Variants in SLC6A6 observed in about 807,000 individuals in gnomAD.
SLC6A6 encodes the protein solute carrier family 6 member 6, also known as sodium- and chloride-dependent taurine transporter.
Under a neutral mutation model 68.8 loss-of-function variants are expected in SLC6A6, and 16 were observed. The observed-to-expected ratio is 0.23, with a 90% confidence interval of 0.16 to 0.35. The LOEUF is 0.35. Ranked by LOEUF, SLC6A6 falls within the 10% of genes least tolerant of loss-of-function variation. The pLI is 1.00. For missense variants in SLC6A6, 474 were observed against 802.8 expected (o/e 0.59, Z 4.95); for synonymous variants, 312 against 315.4 (o/e 0.99, Z 0.12).
At chr3:14,462,765 G>A (rs1342743238) in intron 6 of SLC6A6, among the ~76,000 whole-genome samples, 6 of 152,138 alleles carry the variant, frequency 3.9e-5, no homozygotes, top group Non-Finnish European at 7.3e-5. Context: ...TATGCACGAT[G>A]TCTCTCAGCA....
At chr3:14,432,405 C>T (rs548311875) in intron 2 of SLC6A6, among the ~76,000 whole-genome samples, 1 of 152,206 alleles carries the variant, frequency 6.6e-6, no homozygotes, top group Non-Finnish European at 1.5e-5. Flanking sequence ...CAGCCCTGTC[C>T]TGTCGCTGGT....
At position 14,466,668 on chromosome 3, in the gene SLC6A6, C is replaced by T. The variant is rs750427517; in HGVS notation, c.867+18C>T. 6.3e-7 allele frequency: 1 copy of T among 1,594,566 alleles called. No homozygotes were observed. The highest frequency in any genetic ancestry group is 8.6e-7 in the Non-Finnish European group (1 of 1,167,074). On this transcript the variant is annotated intron_variant, in intron 7 of 14. Transcript: ENST00000622186. ...ACCCACAGGTACTGTGGGGCTGGGACACACCATCCTCCCTCCCATCCAGGG... is the reference window on the plus strand; with the variant it reads ...ACCCACAGGTACTGTGGGGCTGGGATACACCATCCTCCCTCCCATCCAGGG...
intron 4 of SLC6A6, among the ~76,000 whole-genome samples, chr3:14,446,267 G>A (rs938432460): frequency 1.3e-5 from 2 of 152,354 alleles, no homozygotes; most frequent in African/African-American, 2.4e-5. Flanking sequence ...TTGCAGCAAC[G>A]TGGATACAGC....
At chr3:14,424,349 G>A (rs950668996) in intron 2 of SLC6A6, among the ~76,000 whole-genome samples, 4 of 147,836 alleles carry the variant, frequency 2.7e-5, no homozygotes, top group South Asian at 2.1e-4. Flanking sequence ...CTTTGGGCAC[G>A]CAAAGTTAAA....
chr3:14,423,701 A>G (rs1699531427), intron 2 of SLC6A6, among the ~76,000 whole-genome samples: 1 of 152,184 alleles, frequency 6.6e-6, no homozygotes, highest in Non-Finnish European at 1.5e-5. Context: ...CAGTTGCCCC[A>G]TCTGTAAAAT....
intron 1 of SLC6A6, among the ~76,000 whole-genome samples, chr3:14,408,507 G>C (rs1297451333): frequency 6.6e-6 from 1 of 151,950 alleles, no homozygotes; most frequent in Non-Finnish European, 1.5e-5. Flanking sequence ...GCTAATTTTT[G>C]TATTTTTAGT....
intron 2 of SLC6A6, among the ~76,000 whole-genome samples, chr3:14,419,336 G>T (rs1023742229): frequency 3.8e-4 from 58 of 152,324 alleles, no homozygotes; most frequent in African/African-American, 1.3e-3. Flanking sequence ...TGCTAGGTGT[G>T]CGCCCTCCTC....
At chr3:14,422,794 G>A (rs925971168) in intron 2 of SLC6A6, among the ~76,000 whole-genome samples, 2 of 152,148 alleles carry the variant, frequency 1.3e-5, no homozygotes, top group South Asian at 2.1e-4. Context: ...AAGGACTCAC[G>A]CCTCCTACCT....
chr3:14,441,792 G>A (rs1450976491), intron 2 of SLC6A6, among the ~76,000 whole-genome samples: 3 of 152,258 alleles, frequency 2.0e-5, no homozygotes, highest in African/African-American at 4.8e-5. Context: ...GCAAAGCCAG[G>A]GTTTGCAGTT....
chr3:14,482,004 G>A (rs1701020751), intron 14 of SLC6A6, among the ~76,000 whole-genome samples, 163 bp downstream of exon 14: 1 of 152,216 alleles, frequency 6.6e-6, no homozygotes. Flanking sequence ...TGCATTGTGG[G>A]AAGACGGGAA....
In SLC6A6 at chr3:14,481,591, T is replaced by A; in HGVS notation, c.1552-80T>A. On this transcript the variant is annotated intron_variant, in intron 13 of 14. Coordinates refer to ENST00000622186, the MANE Select transcript of SLC6A6 (RefSeq NM_003043.6). This position sits in a 1 kb window ranked among gnomAD's most constrained non-coding sequence, Gnocchi z 4.7. ...AAGGAGAGAGACCCTTCCCTCAGGT[T>A]GAGGCCAGTCCTAGTCCCAGAAGCC... 1.1e-6 allele frequency: 1 copy of A among 935,884 alleles called. No homozygotes were observed. Among genetic ancestry groups the A allele is most frequent in the Non-Finnish European group, 1.7e-6 (1 of 597,192 alleles). 58.0% of individuals were successfully genotyped at this position (935,884 alleles called of 1,614,324 possible).
At position 14,452,319 on chromosome 3, in the gene SLC6A6, A is replaced by G. The variant is rs771803527; in HGVS notation, c.599+4503A>G. ...TGTAAACAGAAGTAGCGTGGTCCCAATGACTCACAGCCTGGCTTGAGTGTT... is the reference window on the plus strand; with the variant it reads ...TGTAAACAGAAGTAGCGTGGTCCCAGTGACTCACAGCCTGGCTTGAGTGTT... On this transcript the variant is annotated intron_variant, in intron 5 of 14. Transcript: ENST00000622186. Among the ~76,000 whole-genome samples, 8 of 152,256 alleles carry G rather than the reference A, an allele frequency of 5.3e-5. No homozygotes were observed. In the South Asian group the frequency reaches 6.2e-4, roughly 12 times the overall value.
chr3:14,471,291 GTC>G (rs1281017390), intron 9 of SLC6A6, among the ~76,000 whole-genome samples: 1 of 152,104 alleles, frequency 6.6e-6, no homozygotes, highest in Non-Finnish European at 1.5e-5. Flanking sequence ...TCTCCGGAAT[GTC>G]TCCCATCAGA....
chr3:14,404,088 A>G (rs1190655641), intron 1 of SLC6A6, among the ~76,000 whole-genome samples: 1 of 152,226 alleles, frequency 6.6e-6, no homozygotes, highest in Non-Finnish European at 1.5e-5. Flanking sequence ...TTACTGGCGC[A>G]TGGCTCCATT....
At chr3:14,426,158 C>T (rs1202083942) in intron 2 of SLC6A6, among the ~76,000 whole-genome samples, 1 of 152,164 alleles carries the variant, frequency 6.6e-6, no homozygotes, top group East Asian at 1.9e-4. Flanking sequence ...CCCCCTGTGT[C>T]AGGTTGAGGG....
chr3:14,482,095 G>A (rs1309046398), intron 14 of SLC6A6, among the ~76,000 whole-genome samples: 2 of 152,238 alleles, frequency 1.3e-5, no homozygotes, highest in East Asian at 3.8e-4. Flanking sequence ...TTGCCAGATG[G>A]AGAATGTGAG....
At chr3:14,466,842 A>G (rs1197766153) in intron 7 of SLC6A6, among the ~76,000 whole-genome samples, 192 bp downstream of exon 7, 2 of 152,036 alleles carry the variant, frequency 1.3e-5, no homozygotes, top group African/African-American at 4.8e-5. Context: ...GTGCTGATGG[A>G]CCTTTCTAGC....
chr3:14,435,681 G>A (rs879906954), intron 2 of SLC6A6, among the ~76,000 whole-genome samples: 6 of 152,242 alleles, frequency 3.9e-5, no homozygotes, highest in African/African-American at 9.6e-5. Context: ...GTGACCTGGG[G>A]GCAATAGTGT....
rs1484987582 is a variant in SLC6A6 at position 14,472,532 on chromosome 3, T to C, written c.1209+215T>C. On this transcript the variant is annotated intron_variant, in intron 10 of 14. Coordinates refer to ENST00000622186, the MANE Select transcript of SLC6A6 (RefSeq NM_003043.6). The surrounding 1 kb of genome is among the most constrained non-coding windows in gnomAD (Gnocchi z 4.5). The stretch of plus-strand genomic sequence containing the variant: ...TGAACAAGATAATTATTTAGCCTAA[T>C]GGAGTGCAAACAAGACGTGGCATGG... 6.6e-6 allele frequency among the ~76,000 whole-genome samples: 1 copy of C among 152,136 alleles called. No individual in the cohort carries two copies. Among genetic ancestry groups the C allele is most frequent in the Admixed American group, 6.5e-5 (1 of 15,278 alleles).
Sources: allele counts gnomAD v4.1 joint callset (sites outside exome capture counted in the v4.1 genomes callset), GRCh38; gene constraint gnomAD v4.1.1; non-coding constraint Gnocchi (gnomAD v3.1); transcripts MANE v1.5; gene names NCBI Gene and HGNC (gene_info 2026-07-23, HGNC 2026-07-21).